SPTSSB: variants seen among roughly 807,000 people sequenced by gnomAD.
The protein encoded by SPTSSB is androgen down regulated in mouse prostate.
Under a neutral mutation model 7.7 loss-of-function variants are expected in SPTSSB, and 6 were observed. The observed-to-expected ratio is 0.78, with a 90% CI of 0.43 to 1.54. SPTSSB has a LOEUF of 1.54. Ranked by LOEUF, SPTSSB falls within the 40% of genes most tolerant of loss-of-function variation. The pLI is 0.01. For missense variants in SPTSSB, 91 were observed against 93.0 expected (o/e 0.98, Z 0.09); for synonymous variants, 28 against 29.7 (o/e 0.94, Z 0.19).
chr3:161,369,292 TTCTTTCTTTCTTTC>T (rs1560108930), intron 1 of SPTSSB, among the ~76,000 whole-genome samples: 1 of 80,750 alleles, frequency 1.2e-5, no homozygotes, highest in African/African-American at 7.4e-5. Flanking sequence ...TTTCTTTTCT[TTCTTTCTTTCTTTC>T]TTTCTTTCTC....
At chr3:161,362,004 A>G (rs781777089) in intron 1 of SPTSSB, among the ~76,000 whole-genome samples, 5 of 152,100 alleles carry the variant, frequency 3.3e-5, no homozygotes, top group Non-Finnish European at 5.9e-5. Flanking sequence ...AACTAGGCCA[A>G]CCTGATTGAT....
intron 1 of SPTSSB, among the ~76,000 whole-genome samples, chr3:161,368,650 T>C (rs1266637677): frequency 2.0e-5 from 3 of 151,982 alleles, no homozygotes; most frequent in Non-Finnish European, 4.4e-5. Context: ...ATGGTCTCGA[T>C]CTCCTGACCT....
At position 161,345,797 on chromosome 3, in the gene SPTSSB, G is replaced by A. The variant is rs1576892120; in HGVS notation, c.*296C>T. The A allele has an allele frequency of 4.0e-6, 1 of 253,162 alleles. No individual in the cohort carries two copies. Among genetic ancestry groups the A allele is most frequent in the Non-Finnish European group, 7.8e-6 (1 of 128,866 alleles). The allele number at this position is 253,162 out of a possible 1,614,324, so 15.7% of individuals were successfully genotyped here. On this transcript the variant is annotated 3_prime_UTR_variant, in exon 3 of 3. Coordinates refer to ENST00000620149, the MANE Select transcript of SPTSSB (RefSeq NM_001040100.2). ...GGAGTCTATTTTCCAGAAAAATTTT[G>A]TAGGAAATTGTTCTGATTTTAAATA...
intron 1 of SPTSSB, among the ~76,000 whole-genome samples, chr3:161,362,618 C>T (rs759468101): frequency 1.3e-5 from 2 of 152,078 alleles, no homozygotes; most frequent in Non-Finnish European, 2.9e-5. Context: ...TGGGAATGAT[C>T]AAGGTACAGC....
Position 161,345,611 on chromosome 3 carries a change from A to C in SPTSSB, c.*482T>G, listed in dbSNP as rs1304216611. 6.5e-6 allele frequency: 1 copy of C among 152,828 alleles called. No homozygotes were observed. The allele number at this position is 152,828 out of a possible 1,614,324, so 9.5% of individuals were successfully genotyped here. On this transcript the variant is annotated 3_prime_UTR_variant, in exon 3 of 3. Transcript: ENST00000620149. ...AGTATCATCAGTTTACTAGAAAATA[A>C]GACTTAGGGGGTCCATATAATTTAT...
At chr3:161,352,146 T>C (rs551301796) in intron 2 of SPTSSB, among the ~76,000 whole-genome samples, 15 of 152,322 alleles carry the variant, frequency 9.8e-5, no homozygotes, top group African/African-American at 3.6e-4. Flanking sequence ...ATTTCTCTTC[T>C]TGAAAGCCTT....
intron 2 of SPTSSB, 69 bp downstream of exon 2, chr3:161,359,733 G>T (rs28425747): frequency 5.0e-5 from 49 of 984,986 alleles, no homozygotes; most frequent in Non-Finnish European, 5.9e-5. Flanking sequence ...TGTTAATGAC[G>T]CCATCTCACA....
intron 2 of SPTSSB, among the ~76,000 whole-genome samples, chr3:161,354,267 G>T (rs903343133): frequency 6.6e-6 from 1 of 152,168 alleles, no homozygotes; most frequent in Non-Finnish European, 1.5e-5. Context: ...GTTCAGTCAG[G>T]TTGTTGTTGA....
Position 161,346,307 on chromosome 3 carries a change from A to C in SPTSSB, c.17T>G (p.Val6Gly). The C allele has an allele frequency of 6.2e-7, 1 of 1,612,384 alleles. No homozygotes were observed. The highest frequency in any genetic ancestry group is 8.5e-7 in the Non-Finnish European group (1 of 1,178,552). The change falls in exon 3 of 3, where the codon GTG becomes GGG. Residue 6 changes from valine (V) to glycine (G), a missense_variant. Val to Gly is a moderately radical substitution (Grantham distance 109, BLOSUM62 -3). Transcript: ENST00000620149. ...GTAGAGCCAGGAGAAATATTCCTTC[A>C]CACGCCTCAAATCCATGGTTGGCTC... Reference protein sequence around the residue: MDLRRVKEYFSWLYYQ... With the variant: MDLRRGKEYFSWLYYQ...
At chr3:161,346,419 T>C (rs2108151912) in intron 2 of SPTSSB, 64 bp from the exon 3 acceptor site, 1 of 774,530 alleles carries the variant, frequency 1.3e-6, no homozygotes, top group South Asian at 1.7e-5. Context: ...TAAAATTTCA[T>C]GATCTCAGCA....
At chr3:161,362,541 T>A (rs540832781) in intron 1 of SPTSSB, among the ~76,000 whole-genome samples, 31 of 152,168 alleles carry the variant, frequency 2.0e-4, no homozygotes, top group Non-Finnish European at 3.8e-4. Flanking sequence ...AAGAATTTAT[T>A]TTTTTGATTC....
intron 2 of SPTSSB, among the ~76,000 whole-genome samples, chr3:161,351,403 A>C (rs901431556): frequency 6.6e-6 from 1 of 152,216 alleles, no homozygotes; most frequent in Non-Finnish European, 1.5e-5. Flanking sequence ...GTCCAGAGTT[A>C]TCCCTATTCT....
intron 2 of SPTSSB, among the ~76,000 whole-genome samples, chr3:161,354,691 C>T (rs185299460): frequency 6.6e-6 from 1 of 152,274 alleles, no homozygotes; most frequent in Admixed American, 6.5e-5. Flanking sequence ...CTAACAAAAG[C>T]AAAACAATTT....
chr3:161,356,801 C>T (rs1178059455), intron 2 of SPTSSB, among the ~76,000 whole-genome samples: 3 of 151,982 alleles, frequency 2.0e-5, no homozygotes, highest in Non-Finnish European at 4.4e-5. Flanking sequence ...CCTCAGTTGA[C>T]CTGCTTCTGC....
intron 2 of SPTSSB, among the ~76,000 whole-genome samples, chr3:161,354,146 G>C (rs1407690599): frequency 6.6e-6 from 1 of 152,310 alleles, no homozygotes; most frequent in Admixed American, 6.5e-5. Flanking sequence ...ACAATTGTAA[G>C]TCAAAGCACA....
Position 161,346,153 on chromosome 3 carries a change from A to C in SPTSSB, c.171T>G (p.Ile57Met). 1 of 1,612,570 alleles carries C rather than the reference A, an allele frequency of 6.2e-7. No homozygotes were observed. The highest frequency in any genetic ancestry group is 8.5e-7 in the Non-Finnish European group (1 of 1,178,542). The change falls in exon 3 of 3, where the codon ATT becomes ATG. Residue 57 changes from isoleucine (I) to methionine (M), a missense_variant. Transcript: ENST00000620149. The stretch of plus-strand genomic sequence containing the variant: ...TTGAGAAAAATTCCCAAGCCAGGCG[A>C]ATGTGGATTGGAATAAAGACATAGG... The part of the protein sequence containing the change: ...YTAYVFIPIH[I>M]RLAWEFFSKI...
At chr3:161,366,914 T>A (rs1715247204) in intron 1 of SPTSSB, among the ~76,000 whole-genome samples, 1 of 152,164 alleles carries the variant, frequency 6.6e-6, no homozygotes, top group Admixed American at 6.5e-5. Context: ...GTGGCTCACG[T>A]CTATAATCCC....
chr3:161,354,392 G>A (rs1038241563), intron 2 of SPTSSB, among the ~76,000 whole-genome samples: 1 of 152,202 alleles, frequency 6.6e-6, no homozygotes, highest in Non-Finnish European at 1.5e-5. Flanking sequence ...ACTTAGGCTG[G>A]AGTGCAGTGG....
At chr3:161,348,345 T>C (rs1401671322) in intron 2 of SPTSSB, among the ~76,000 whole-genome samples, 2 of 152,226 alleles carry the variant, frequency 1.3e-5, no homozygotes, top group Non-Finnish European at 1.5e-5. Context: ...TCCCGGCTAT[T>C]GCTTTCTCTA....
Sources: gnomAD v4.1 joint callset for allele counts (sites outside exome capture counted in the v4.1 genomes callset) on GRCh38, gnomAD v4.1.1 for gene constraint, MANE v1.5 for transcripts, NCBI Gene and HGNC (gene_info 2026-07-23, HGNC 2026-07-21) for gene names.